Variants in PDE7B observed in about 807,000 individuals in gnomAD.
PDE7B encodes the protein phosphodiesterase 7B.
Under a neutral mutation model 56.2 loss-of-function variants are expected in PDE7B, and 29 were observed. The observed-to-expected ratio is 0.52, with a 90% confidence interval of 0.38 to 0.70. The LOEUF (loss-of-function observed/expected upper bound fraction) is 0.70, where lower values mean the gene tolerates loss of function less well. Among genes scored for constraint, PDE7B ranks in the 30% least tolerant of loss-of-function variants. The probability of loss-of-function intolerance (pLI) is 0.00; values close to 1 mark genes in which losing one functional copy is unlikely to be tolerated. For missense variants in PDE7B, 490 were observed against 565.0 expected (o/e 0.87, Z 1.35); for synonymous variants, 197 against 196.9 (o/e 1.00, Z 0.00).
chr6:136,000,603 C>T (rs1242166969), intron 2 of PDE7B, among the ~76,000 whole-genome samples: 1 of 152,084 alleles, frequency 6.6e-6, no homozygotes. Flanking sequence ...TTCCATGTAT[C>T]TATGTATCTG....
At chr6:135,955,956 T>C (rs545341395) in intron 2 of PDE7B, among the ~76,000 whole-genome samples, 11 of 152,210 alleles carry the variant, frequency 7.2e-5, no homozygotes, top group African/African-American at 2.6e-4. Flanking sequence ...CCAAGGAACT[T>C]TCCACTGCAG....
At chr6:136,137,649 A>G (rs550248835) in intron 3 of PDE7B, among the ~76,000 whole-genome samples, 39 of 152,120 alleles carry the variant, frequency 2.6e-4, no homozygotes, top group Non-Finnish European at 5.4e-4. Flanking sequence ...GCTTTCTTAA[A>G]TCTCAGATAT....
intron 1 of PDE7B, among the ~76,000 whole-genome samples, chr6:135,932,407 T>G (rs1002446164): frequency 6.6e-5 from 10 of 152,040 alleles, no homozygotes; most frequent in African/African-American, 2.4e-4. Flanking sequence ...TCCAAACATT[T>G]CATACACCCC....
chr6:135,915,073 A>G (rs943284693), intron 1 of PDE7B, among the ~76,000 whole-genome samples: 1 of 149,936 alleles, frequency 6.7e-6, no homozygotes, highest in Non-Finnish European at 1.5e-5. Context: ...AGCCTGGGCT[A>G]CAGAGCGAGA....
intron 1 of PDE7B, among the ~76,000 whole-genome samples, chr6:135,872,090 A>T (rs1224026708): frequency 6.6e-6 from 1 of 152,194 alleles, no homozygotes; most frequent in Non-Finnish European, 1.5e-5. Context: ...TTCCTAACAG[A>T]TGCCTCAGTG....
intron 7 of PDE7B, among the ~76,000 whole-genome samples, chr6:136,154,880 C>T (rs1202208386): frequency 4.6e-5 from 7 of 152,156 alleles, no homozygotes; most frequent in East Asian, 3.8e-4. Context: ...CCTACATATG[C>T]GGATGCTTTG....
At chr6:135,852,252 G>A (rs1243683567) in intron 1 of PDE7B, among the ~76,000 whole-genome samples, 1 of 151,914 alleles carries the variant, frequency 6.6e-6, no homozygotes, top group African/African-American at 2.4e-5. Context: ...ATTCCAACCA[G>A]TGTAATGAGA....
chr6:136,116,894 A>G (rs1446225556), intron 3 of PDE7B, among the ~76,000 whole-genome samples: 1 of 152,194 alleles, frequency 6.6e-6, no homozygotes, highest in South Asian at 2.1e-4. Context: ...GCATTACAAG[A>G]CTGTCCATGA....
At chr6:136,029,517 A>C (rs552837482) in intron 2 of PDE7B, among the ~76,000 whole-genome samples, 19 of 152,380 alleles carry the variant, frequency 1.2e-4, no homozygotes, top group African/African-American at 4.1e-4. Flanking sequence ...CACAGAATAC[A>C]AGAAATCTTA....
chr6:136,093,706 G>C (rs558126732), intron 2 of PDE7B, among the ~76,000 whole-genome samples: 1 of 151,902 alleles, frequency 6.6e-6, no homozygotes, highest in Non-Finnish European at 1.5e-5. Context: ...AGAGAGAGAA[G>C]GGGGCACAGT....
intron 2 of PDE7B, among the ~76,000 whole-genome samples, chr6:136,041,700 C>A (rs984811501): frequency 6.6e-6 from 1 of 152,270 alleles, no homozygotes; most frequent in Admixed American, 6.5e-5. Context: ...GTCCAAGTGT[C>A]AACTCTGTTC....
chr6:135,867,525 C>T (rs1409132972), intron 1 of PDE7B, among the ~76,000 whole-genome samples: 2 of 152,038 alleles, frequency 1.3e-5, no homozygotes, highest in Non-Finnish European at 2.9e-5. Flanking sequence ...ATTATTTCAT[C>T]ACCCAAGTAT....
chr6:136,035,400 A>G (rs965037542), intron 2 of PDE7B: 9 of 152,248 alleles, frequency 5.9e-5, no homozygotes, highest in Non-Finnish European at 1.2e-4. Context: ...TCCAGCAAGT[A>G]CTAGCCTCGC....
At chr6:136,037,705 C>G in intron 2 of PDE7B, 3 of 985,450 alleles carry the variant, frequency 3.0e-6, no homozygotes, top group Non-Finnish European at 3.6e-6. Flanking sequence ...TGGCCTCCAG[C>G]AAGGGGGGAG....
intron 1 of PDE7B, among the ~76,000 whole-genome samples, chr6:135,940,941 G>A (rs1774497142): frequency 6.6e-6 from 1 of 152,194 alleles, no homozygotes; most frequent in South Asian, 2.1e-4. Flanking sequence ...TAGACATTTA[G>A]GGATTCAGTG....
intron 1 of PDE7B, among the ~76,000 whole-genome samples, chr6:135,892,730 C>T (rs1454131905): frequency 6.6e-6 from 1 of 152,092 alleles, no homozygotes; most frequent in Non-Finnish European, 1.5e-5. Context: ...CATCGAAGCT[C>T]ATATATAGAA....
intron 1 of PDE7B, among the ~76,000 whole-genome samples, chr6:135,941,143 T>C (rs1260111538): frequency 2.0e-5 from 3 of 151,940 alleles, no homozygotes; most frequent in African/African-American, 4.9e-5. Flanking sequence ...AGATTCCCTT[T>C]GCCACTCTTG....
intron 2 of PDE7B, among the ~76,000 whole-genome samples, chr6:136,033,754 C>A (rs1466199443): frequency 6.6e-6 from 1 of 152,124 alleles, no homozygotes; most frequent in Non-Finnish European, 1.5e-5. Flanking sequence ...ATTTCTATGT[C>A]TCCTAAATTG....
intron 2 of PDE7B, among the ~76,000 whole-genome samples, chr6:135,965,786 A>G (rs1227291225): frequency 2.0e-5 from 3 of 152,128 alleles, no homozygotes; most frequent in Non-Finnish European, 4.4e-5. Context: ...CAGCCAAACC[A>G]TATCACCAAG....
Sources: gnomAD v4.1 joint callset for allele counts (sites outside exome capture counted in the v4.1 genomes callset) on GRCh38, gnomAD v4.1.1 for gene constraint, MANE v1.5 for transcripts, NCBI Gene and HGNC (gene_info 2026-07-23, HGNC 2026-07-21) for gene names.